LAMA5: variants seen among roughly 807,000 people sequenced by gnomAD.
LAMA5 encodes the protein laminin subunit alpha-5.
A neutral mutation model predicts 433.4 loss-of-function variants in LAMA5; 260 were observed. The ratio of observed to expected loss-of-function variants is 0.60; its 90% confidence interval spans 0.54 to 0.66. LAMA5 has a LOEUF of 0.66. Among genes scored for constraint, LAMA5 ranks in the 30% least tolerant of loss-of-function variants. The pLI, the probability that LAMA5 is intolerant of heterozygous loss-of-function variation, is 0.00. For synonymous variants in LAMA5, 2,620 were observed against 2,226.6 expected (o/e 1.18, Z -4.97); for missense variants, 5,378 against 5,258.5 (o/e 1.02, Z -0.70).
Position 62,311,728 on chromosome 20 carries a change from G to A in LAMA5, c.9692C>T (p.Pro3231Leu). The A allele has an allele frequency of 1.3e-6, 2 of 1,560,562 alleles. No individual in the cohort carries two copies. The highest frequency in any genetic ancestry group is 1.2e-5 in the South Asian group (1 of 84,998). ...CTCAGGCTGCGGCTGGAGCTCGGGG[G>A]GTGGTCCCCGGTGGGGCTTCATCTG... ...LQQMKPHRGP[P>L]PELQPQPEGP... The change falls in exon 71 of 80, where the codon CCC (proline) becomes CTC (leucine). Residue 3231 changes from proline to leucine, a missense_variant. By Grantham distance (98) the Pro-to-Leu change is moderately conservative. Transcript: ENST00000252999.
intron 63 of LAMA5, 87 bp downstream of exon 63, chr20:62,313,562 T>C (rs1279515263): frequency 3.2e-6 from 5 of 1,544,780 alleles, no homozygotes; most frequent in Non-Finnish European, 4.4e-6. Flanking sequence ...TGAGGCAAGA[T>C]ACCAAAAGAA....
intron 4 of LAMA5, 49 bp downstream of exon 4, chr20:62,352,193 A>C (rs1235963488): frequency 2.6e-5 from 40 of 1,526,654 alleles, no homozygotes; most frequent in African/African-American, 1.8e-4. Context: ...TCCCCTACCC[A>C]CCTCTCCGTT....
chr20:62,342,522 C>CA (rs1982755905), intron 11 of LAMA5, among the ~76,000 whole-genome samples: 1 of 150,438 alleles, frequency 6.6e-6, no homozygotes, highest in African/African-American at 2.4e-5. Context: ...ACTAAAAGTA[C>CA]AAAAAAATTA....
At chr20:62,343,225 C>T (rs1476669172) in intron 11 of LAMA5, among the ~76,000 whole-genome samples, 7 of 152,118 alleles carry the variant, frequency 4.6e-5, no homozygotes, top group South Asian at 4.1e-4. Flanking sequence ...GGGCCTTTTC[C>T]GACAGTTTGT....
chr20:62,323,901 C>G (rs757582597), intron 43 of LAMA5, 45 bp from the exon 44 acceptor site: 1 of 1,538,392 alleles, frequency 6.5e-7, no homozygotes, highest in African/African-American at 1.4e-5. Flanking sequence ...TGGCAGTGCC[C>G]GGGCCCGGGC....
intron 16 of LAMA5, chr20:62,337,054 T>A (rs1981760898): frequency 1.5e-6 from 1 of 655,482 alleles, no homozygotes; most frequent in Non-Finnish European, 2.8e-6. Context: ...ACGCAGTGTG[T>A]GACACACGTC....
chr20:62,366,677 C>T (rs954903854), intron 1 of LAMA5, among the ~76,000 whole-genome samples: 1 of 152,220 alleles, frequency 6.6e-6, no homozygotes, highest in African/African-American at 2.4e-5. Flanking sequence ...CGGCCCCCCT[C>T]CCGCCCCGGT....
At chr20:62,327,824 G>A (rs1164927327) in intron 36 of LAMA5, 42 bp downstream of exon 36, 6 of 1,584,040 alleles carry the variant, frequency 3.8e-6, no homozygotes, top group East Asian at 2.2e-5. Context: ...CAGCTGATGA[G>A]GCCGGAGGGA....
At chr20:62,360,636 G>GGGTGGGTGGGTGGGTGGGTGGATGGATA (rs1986010416) in intron 2 of LAMA5, among the ~76,000 whole-genome samples, 2 of 83,074 alleles carry the variant, frequency 2.4e-5, no homozygotes, top group Non-Finnish European at 2.7e-5. Flanking sequence ...AGGGATAGAT[G>GGGTGGGTGGGTGGGTGGGTGGATGGATA]GGTGGGTGGG....
chr20:62,354,125 A>G (rs1984790881), intron 2 of LAMA5, among the ~76,000 whole-genome samples: 1 of 152,060 alleles, frequency 6.6e-6, no homozygotes, highest in African/African-American at 2.4e-5. Flanking sequence ...ACCCAGGGAC[A>G]GCCCATGTGT....
chr20:62,327,420 C>A lies in LAMA5; in HGVS notation c.4939-14G>T. 4.4e-6 allele frequency: 7 copies of A among 1,588,718 alleles called. No homozygotes were observed. Among genetic ancestry groups the A allele is most frequent in the Non-Finnish European group, 5.1e-6 (6 of 1,165,268 alleles). On this transcript the variant is annotated splice_polypyrimidine_tract_variant and intron_variant, in intron 37 of 79. Transcript: ENST00000252999. ...CATATCCACGAACTGTGGGCACACA[C>A]GTGTGGCTGCACACGGGTGGATGCC...
chr20:62,327,660 G>C lies in LAMA5; in HGVS notation c.4807C>G (p.Gln1603Glu), dbSNP rs1601335341. The change falls in exon 37 of 80, where the codon CAG (glutamine) becomes GAG (glutamate). Residue 1603 changes from glutamine (Q) to glutamate (E), a missense_variant. Transcript: ENST00000252999. Reference sequence around the variant, plus strand: ...CTGCACTGGTCACATTTGGGGCCCTGCACGTTCTCCTAGGGATGAGAGGAC... The same window carrying C: ...CTGCACTGGTCACATTTGGGGCCCTCCACGTTCTCCTAGGGATGAGAGGAC... ...TGQCYCKENVQGPKCDQCSLG... is the reference protein window; with the variant it reads ...TGQCYCKENVEGPKCDQCSLG... 1.2e-6 allele frequency: 2 copies of C among 1,613,006 alleles called. No individual in the cohort carries two copies. The highest frequency in any genetic ancestry group is 1.7e-4 in the Middle Eastern group (1 of 6,056).
chr20:62,333,988 C>T lies in LAMA5; in HGVS notation c.2791G>A (p.Val931Ile), dbSNP rs372241570. Residue 931 changes from valine (V) to isoleucine (I), a missense_variant, in exon 23 of 80, where the codon GTC becomes ATC. Coordinates refer to ENST00000252999, the MANE Select transcript of LAMA5 (RefSeq NM_005560.6). Reference protein sequence around the residue: ...NLTSPDLFWLVFRYVNRGAMS... With the variant: ...NLTSPDLFWLIFRYVNRGAMS... ...GCCCCCCGGTTGACGTATCGGAAGACGAGCCAGAAAAGGTCAGGGGAGGTC... is the reference window on the plus strand; with the variant it reads ...GCCCCCCGGTTGACGTATCGGAAGATGAGCCAGAAAAGGTCAGGGGAGGTC... 41 of 1,612,912 alleles carry T rather than the reference C, an allele frequency of 2.5e-5. 1 individual carries two copies. Among genetic ancestry groups the T allele is most frequent in the South Asian group, 5.5e-5 (5 of 91,072 alleles).
At chr20:62,317,850 G>A (rs1252657625) in intron 53 of LAMA5, 72 bp from the exon 54 acceptor site, 4 of 495,012 alleles carry the variant, frequency 8.1e-6, no homozygotes, top group Admixed American at 3.8e-5. Flanking sequence ...GGGGTGGACA[G>A]CAGGGCAGGG....
chr20:62,355,739 G>A (rs1985109211), intron 2 of LAMA5, among the ~76,000 whole-genome samples: 1 of 151,556 alleles, frequency 6.6e-6, no homozygotes, highest in Admixed American at 6.5e-5. Context: ...CCCACACCCG[G>A]GCCTCAGCAG....
chr20:62,309,251 T>A lies in LAMA5; in HGVS notation c.*85A>T. 1 of 1,349,742 alleles carries A rather than the reference T, an allele frequency of 7.4e-7. No homozygotes were observed. The highest frequency in any genetic ancestry group is 1.0e-6 in the Non-Finnish European group (1 of 992,866). 83.6% of individuals were successfully genotyped at this position (1,349,742 alleles called of 1,614,324 possible). A position where few individuals can be genotyped will look rare whatever the true frequency, so the allele number is the denominator to read the frequency against. On this transcript the variant is annotated 3_prime_UTR_variant, in exon 80 of 80. Coordinates refer to ENST00000252999, the MANE Select transcript of LAMA5 (RefSeq NM_005560.6). ...GATCTGTCACCCGTAGAGCTTAGAGTCCAAATAGACACCTATGAGGCGAGC... is the reference window on the plus strand; with the variant it reads ...GATCTGTCACCCGTAGAGCTTAGAGACCAAATAGACACCTATGAGGCGAGC...
At chr20:62,328,207 C>T in intron 35 of LAMA5, 34 bp downstream of exon 35, 1 of 1,558,542 alleles carries the variant, frequency 6.4e-7, no homozygotes, top group South Asian at 1.2e-5. Flanking sequence ...TTAAGGCCAC[C>T]AGGGGCCGCG....
intron 2 of LAMA5, among the ~76,000 whole-genome samples, chr20:62,356,013 C>T (rs187637056): frequency 6.6e-6 from 1 of 152,372 alleles, no homozygotes; most frequent in East Asian, 1.9e-4. Flanking sequence ...GTCCTCCTCC[C>T]TCCCCTTCAG....
At position 62,322,177 on chromosome 20, in the gene LAMA5, G is replaced by A. The variant is rs1978356760; in HGVS notation, c.6347-9C>T. The A allele has an allele frequency of 1.3e-6, 2 of 1,586,884 alleles. No individual in the cohort carries two copies. Among genetic ancestry groups the A allele is most frequent in the Non-Finnish European group, 1.7e-6 (2 of 1,168,920 alleles). ...CCCAGGGCACTGGCAGCCTGTGGTG[G>A]GGGGCTTGGGTGAGCATGGCTGGCC... On this transcript the variant is annotated splice_polypyrimidine_tract_variant and intron_variant, in intron 47 of 79. Transcript: ENST00000252999.
Sources: allele counts gnomAD v4.1 joint callset (sites outside exome capture counted in the v4.1 genomes callset), GRCh38; gene constraint gnomAD v4.1.1; transcripts MANE v1.5; gene names NCBI Gene and HGNC (gene_info 2026-07-23, HGNC 2026-07-21).